The following BMPR2 variants were observed in gnomAD, a reference collection of about 807,000 sequenced individuals.
The protein encoded by BMPR2 is bone morphogenetic protein receptor type 2.
Under a neutral mutation model 100.8 loss-of-function variants are expected in BMPR2, and 29 were observed. That is an observed-to-expected ratio of 0.29 (90% CI 0.21 to 0.39). The LOEUF (loss-of-function observed/expected upper bound fraction) is 0.39. Ranked by LOEUF, BMPR2 falls within the 10% of genes least tolerant of loss-of-function variation. The probability of loss-of-function intolerance (pLI) is 1.00; values close to 1 mark genes in which losing one functional copy is unlikely to be tolerated. For missense variants in BMPR2, 1,011 were observed against 1,274.5 expected (o/e 0.79, Z 3.15); for synonymous variants, 382 against 442.3 (o/e 0.86, Z 1.71).
intron 11 of BMPR2, among the ~76,000 whole-genome samples, chr2:202,554,908 G>A (rs968892104): frequency 1.3e-5 from 2 of 152,044 alleles, no homozygotes; most frequent in Non-Finnish European, 2.9e-5. Flanking sequence ...AAAACATAAC[G>A]TCTGGTTGTA....
At chr2:202,377,682 C>A in intron 1 of BMPR2, 132 bp downstream of exon 1, 3 of 1,056,590 alleles carry the variant, frequency 2.8e-6, no homozygotes, top group South Asian at 1.4e-5. Flanking sequence ...GAGCTGCGAC[C>A]CGGTGCCTGC....
chr2:202,503,322 G>T lies in BMPR2; in HGVS notation c.419-10397G>T, dbSNP rs1359896110. Reference sequence around the variant, plus strand: ...TTCAGCCCACCACTGCATTGTGGGAGCCCCTTTCTGGGCTGGCCAAGGCCG... The same window carrying T: ...TTCAGCCCACCACTGCATTGTGGGATCCCCTTTCTGGGCTGGCCAAGGCCG... On this transcript the variant is annotated intron_variant, in intron 3 of 12. Coordinates refer to ENST00000374580, the MANE Select transcript of BMPR2 (RefSeq NM_001204.7). This position sits in a 1 kb window ranked among gnomAD's most constrained non-coding sequence, Gnocchi z 4.0. Among the ~76,000 whole-genome samples the T allele has an allele frequency of 2.0e-5, 3 of 152,234 alleles. No individual in the cohort carries two copies. The highest frequency in any genetic ancestry group is 7.2e-5 in the African/African-American group (3 of 41,474).
chr2:202,501,239 C>T (rs1292927961), intron 3 of BMPR2, among the ~76,000 whole-genome samples: 3 of 152,188 alleles, frequency 2.0e-5, no homozygotes, highest in Non-Finnish European at 2.9e-5. Flanking sequence ...ACTGGCTTAT[C>T]CTCGCCCTAA....
intron 1 of BMPR2, among the ~76,000 whole-genome samples, chr2:202,415,173 T>C (rs1412718025): frequency 6.6e-6 from 1 of 152,082 alleles, no homozygotes; most frequent in African/African-American, 2.4e-5. Context: ...AGGACTTTTA[T>C]AACTGGAGAG....
chr2:202,477,371 C>G (rs535188257), intron 3 of BMPR2, among the ~76,000 whole-genome samples: 7 of 151,976 alleles, frequency 4.6e-5, no homozygotes, highest in African/African-American at 1.7e-4. Context: ...AGCCTATATT[C>G]TGTGATTTTT....
intron 1 of BMPR2, among the ~76,000 whole-genome samples, chr2:202,387,808 T>C (rs577187899): frequency 6.6e-6 from 1 of 152,320 alleles, no homozygotes; most frequent in East Asian, 1.9e-4. Flanking sequence ...TAAAACCCCA[T>C]GGGGCCAGTC....
chr2:202,403,207 C>T lies in BMPR2; in HGVS notation c.76+25657C>T, dbSNP rs541485469. Among the ~76,000 whole-genome samples, 77 of 141,332 alleles carry T rather than the reference C, an allele frequency of 5.4e-4. 1 individual carries two copies. The highest frequency in any genetic ancestry group is 3.5e-3 in the Middle Eastern group (1 of 284). 92.7% of individuals were successfully genotyped at this position (141,332 alleles called of 152,430 possible). On this transcript the variant is annotated intron_variant, in intron 1 of 12. Transcript: ENST00000374580. ...CTCCCCTCCCCTCCCCTCCCCTCCCCTCCTCTTTTCGAGACAGAGTCTTGC... is the reference window on the plus strand; with the variant it reads ...CTCCCCTCCCCTCCCCTCCCCTCCCTTCCTCTTTTCGAGACAGAGTCTTGC...
At chr2:202,403,616 TC>T (rs1690817607) in intron 1 of BMPR2, among the ~76,000 whole-genome samples, 1 of 152,218 alleles carries the variant, frequency 6.6e-6, no homozygotes. Context: ...AATAGGGTCA[TC>T]TTATTTGTTC....
intron 12 of BMPR2, 137 bp downstream of exon 12, chr2:202,556,668 G>A (rs1396350179): frequency 1.3e-5 from 15 of 1,129,952 alleles, no homozygotes; most frequent in African/African-American, 3.1e-5. Flanking sequence ...CATTTGAGGC[G>A]GGGCACAGTG....
rs531746223 is a variant in BMPR2 at position 202,392,946 on chromosome 2, C to T, written c.76+15396C>T. Among the ~76,000 whole-genome samples the T allele has an allele frequency of 4.4e-4, 63 of 143,792 alleles. 1 individual carries two copies. In the South Asian group the frequency reaches 0.013, roughly 29 times the overall value. The allele number at this position is 143,792 out of a possible 152,430, so 94.3% of individuals were successfully genotyped here. A position where few individuals can be genotyped will look rare whatever the true frequency, so the allele number is the denominator to read the frequency against. On this transcript the variant is annotated intron_variant, in intron 1 of 12. Coordinates refer to ENST00000374580, the MANE Select transcript of BMPR2 (RefSeq NM_001204.7). Reference sequence around the variant, plus strand: ...GGCGGAGGTTGCGGTGAGCCGAGATCGTGCCATTGACTCCAGCCTGGGCAA... The same window carrying T: ...GGCGGAGGTTGCGGTGAGCCGAGATTGTGCCATTGACTCCAGCCTGGGCAA...
chr2:202,472,126 A>G (rs1174785808), intron 3 of BMPR2, among the ~76,000 whole-genome samples: 8 of 152,174 alleles, frequency 5.3e-5, no homozygotes. Context: ...CATCTCAAGA[A>G]TTTTCTTAGT....
At chr2:202,407,061 C>T (rs1036271399) in intron 1 of BMPR2, among the ~76,000 whole-genome samples, 1 of 151,734 alleles carries the variant, frequency 6.6e-6, no homozygotes, top group Admixed American at 6.6e-5. Flanking sequence ...GATTCTCCTG[C>T]ATTAGCCTCC....
chr2:202,410,679 A>G (rs1033317069), intron 1 of BMPR2, among the ~76,000 whole-genome samples: 1 of 152,220 alleles, frequency 6.6e-6, no homozygotes, highest in Admixed American at 6.5e-5. Context: ...TCCCGGGTTC[A>G]CAACATTCTC....
intron 1 of BMPR2, among the ~76,000 whole-genome samples, chr2:202,435,372 A>AATACATAC (rs1553500522): frequency 6.7e-5 from 4 of 59,968 alleles, no homozygotes; most frequent in African/African-American, 3.0e-4. Flanking sequence ...TCAAAAAAAA[A>AATACATAC]ATACATATAT....
chr2:202,456,365 C>T (rs1692104595), intron 1 of BMPR2, among the ~76,000 whole-genome samples: 1 of 150,920 alleles, frequency 6.6e-6, no homozygotes, highest in African/African-American at 2.4e-5. Flanking sequence ...CTTTTAGTAG[C>T]GATGGGGTTT....
At chr2:202,515,106 G>A in intron 5 of BMPR2, 127 bp downstream of exon 5, 1 of 947,438 alleles carries the variant, frequency 1.1e-6, no homozygotes, top group Non-Finnish European at 1.7e-6. Context: ...ACAATTTTTT[G>A]TCAAGGCCTA....
chr2:202,499,100 G>A (rs1693104690), intron 3 of BMPR2, among the ~76,000 whole-genome samples: 1 of 151,900 alleles, frequency 6.6e-6, no homozygotes, highest in East Asian at 1.9e-4. Context: ...CCTTCAAGCT[G>A]TAGGGGGAGG....
intron 9 of BMPR2, among the ~76,000 whole-genome samples, chr2:202,541,864 C>G (rs1688282296): frequency 6.6e-6 from 1 of 152,148 alleles, no homozygotes; most frequent in Non-Finnish European, 1.5e-5. Context: ...GTAATCCCAG[C>G]ACTTTAGGAG....
In BMPR2 at chr2:202,415,245, A is replaced by G. The variant is rs527692848; in HGVS notation, c.76+37695A>G. On this transcript the variant is annotated intron_variant, in intron 1 of 12. Transcript: ENST00000374580. ...AGCACTTTGGGAGGCCGAGGCGGGCAGATCACCTGAGGTTGGGAGTTTGAG... is the reference window on the plus strand; with the variant it reads ...AGCACTTTGGGAGGCCGAGGCGGGCGGATCACCTGAGGTTGGGAGTTTGAG... Among the ~76,000 whole-genome samples, 137 of 152,086 alleles carry G rather than the reference A, an allele frequency of 9.0e-4. 1 individual carries two copies. Among genetic ancestry groups the G allele is most frequent in the African/African-American group, 3.1e-3 (129 of 41,516 alleles).
Sources: allele counts gnomAD v4.1 joint callset (sites outside exome capture counted in the v4.1 genomes callset), GRCh38; gene constraint gnomAD v4.1.1; non-coding constraint Gnocchi (gnomAD v3.1); transcripts MANE v1.5; gene names NCBI Gene and HGNC (gene_info 2026-07-23, HGNC 2026-07-21).